DAB1: variants seen among roughly 807,000 people sequenced by gnomAD.
The protein encoded by DAB1 is DAB adaptor protein 1, also known as disabled homolog 1.
DAB1 carries 15 observed loss-of-function variants against 64.6 expected under a neutral mutation model. That is an observed-to-expected ratio of 0.23 (90% confidence interval 0.16 to 0.36). DAB1 has a LOEUF of 0.36. Among genes scored for constraint, DAB1 ranks in the 10% least tolerant of loss-of-function variants. The pLI is 1.00. For synonymous variants in DAB1, 235 were observed against 251.9 expected, an observed-to-expected ratio of 0.93 and a Z score of 0.64; for missense variants, 596 against 706.7, an observed-to-expected ratio of 0.84 and a Z score of 1.78.
intron 2 of DAB1, among the ~76,000 whole-genome samples, chr1:57,219,405 A>C (rs1202843712): frequency 1.3e-5 from 2 of 152,190 alleles, no homozygotes; most frequent in Non-Finnish European, 2.9e-5. Context: ...AAATGAGACC[A>C]GTTCAGGTTA....
intron 4 of DAB1, among the ~76,000 whole-genome samples, chr1:58,339,781 G>A (rs906851944): frequency 1.3e-5 from 2 of 152,086 alleles, no homozygotes; most frequent in Non-Finnish European, 2.9e-5. Context: ...TTTCCAAACA[G>A]AAATATTTTA....
chr1:58,503,317 G>A (rs1167887497), intron 3 of DAB1, among the ~76,000 whole-genome samples: 1 of 152,172 alleles, frequency 6.6e-6, no homozygotes. Flanking sequence ...TATAGTCAGT[G>A]ATCCTCAGTA....
chr1:58,349,087 A>T (rs1370161775), intron 3 of DAB1, among the ~76,000 whole-genome samples: 1 of 152,202 alleles, frequency 6.6e-6, no homozygotes, highest in Admixed American at 6.5e-5. Flanking sequence ...ATTCAGAGAA[A>T]TCTGTAAGCC....
At chr1:58,044,560 A>T (rs1647198625) in intron 5 of DAB1, among the ~76,000 whole-genome samples, 1 of 152,094 alleles carries the variant, frequency 6.6e-6, no homozygotes, top group Admixed American at 6.6e-5. Context: ...GAGGAGAAAG[A>T]ACTAATATAA....
intron 2 of DAB1, among the ~76,000 whole-genome samples, chr1:57,158,367 C>T (rs1427678451): frequency 6.6e-6 from 1 of 152,160 alleles, no homozygotes; most frequent in African/African-American, 2.4e-5. Context: ...GATGTTCCTT[C>T]CCGAAGGCAA....
At chr1:57,240,225 T>C (rs1668402152) in intron 2 of DAB1, among the ~76,000 whole-genome samples, 2 of 152,170 alleles carry the variant, frequency 1.3e-5, no homozygotes, top group South Asian at 2.1e-4. Flanking sequence ...AAAATAAACA[T>C]AAGGAAAAGG....
intron 11 of DAB1, among the ~76,000 whole-genome samples, chr1:57,022,142 C>T (rs918634728): frequency 6.6e-6 from 1 of 152,174 alleles, no homozygotes; most frequent in Non-Finnish European, 1.5e-5. Context: ...ATAGAGGGCA[C>T]CTGGTGAGCA....
In DAB1 at chr1:57,136,520, T is replaced by C. The variant is rs183752654; in HGVS notation, c.306+23A>G. 2.1e-5 allele frequency: 28 copies of C among 1,363,020 alleles called. 1 individual carries two copies. The Middle Eastern group carries it at 5.8e-4, about 28-fold the overall frequency. 84.4% of individuals were successfully genotyped at this position (1,363,020 alleles called of 1,614,324 possible). A position where few individuals can be genotyped will look rare whatever the true frequency, so the allele number is the denominator to read the frequency against. ...TCTGTCAATGGATAAAATTTCACAA[T>C]GCCATGTGATTGCTTTACTTACCCC... On this transcript the variant is annotated intron_variant, in intron 4 of 14. Coordinates refer to ENST00000371236, the MANE Select transcript of DAB1 (RefSeq NM_001365792.1).
intron 7 of DAB1, among the ~76,000 whole-genome samples, chr1:57,623,106 G>T (rs564464021): frequency 1.3e-5 from 2 of 152,234 alleles, no homozygotes; most frequent in East Asian, 1.9e-4. Flanking sequence ...AGTGGTAATT[G>T]GTGTTTGAAA....
intron 1 of DAB1, among the ~76,000 whole-genome samples, chr1:57,295,178 T>C (rs1673087275): frequency 6.6e-6 from 1 of 152,160 alleles, no homozygotes; most frequent in South Asian, 2.1e-4. Flanking sequence ...ACATCATGAC[T>C]ATAATAAATA....
intron 7 of DAB1, among the ~76,000 whole-genome samples, chr1:57,535,042 T>C (rs1219388258): frequency 1.3e-5 from 2 of 152,178 alleles, no homozygotes; most frequent in Non-Finnish European, 2.9e-5. Context: ...AGCTCCTTTA[T>C]ATCCTCAGGC....
chr1:58,456,987 C>T (rs576839059), intron 3 of DAB1, among the ~76,000 whole-genome samples: 2 of 152,260 alleles, frequency 1.3e-5, no homozygotes, highest in South Asian at 2.1e-4. Context: ...ACTAAGAAAC[C>T]GCTCAGAAGG....
chr1:57,847,227 G>T (rs1256649168), intron 1 of DAB1, among the ~76,000 whole-genome samples: 1 of 151,182 alleles, frequency 6.6e-6, no homozygotes. Flanking sequence ...GATTTTTTTA[G>T]TTCTACCCAG....
chr1:57,315,791 C>T (rs1451818734), intron 1 of DAB1, among the ~76,000 whole-genome samples: 2 of 152,152 alleles, frequency 1.3e-5, no homozygotes, highest in South Asian at 4.1e-4. Context: ...CATGAGCCAC[C>T]GCGCCCGGCC....
At chr1:58,021,573 T>C (rs759055550) in intron 5 of DAB1, among the ~76,000 whole-genome samples, 1 of 152,022 alleles carries the variant, frequency 6.6e-6, no homozygotes, top group Non-Finnish European at 1.5e-5. Flanking sequence ...ATTGCTTACA[T>C]GGAAAAATAA....
At chr1:58,335,818 T>G (rs1663102490) in intron 4 of DAB1, among the ~76,000 whole-genome samples, 1 of 152,138 alleles carries the variant, frequency 6.6e-6, no homozygotes, top group Non-Finnish European at 1.5e-5. Context: ...TGAATTATGG[T>G]GCAATTTAGT....
chr1:57,936,304 C>T (rs78641672), intron 5 of DAB1, among the ~76,000 whole-genome samples: 2,763 of 152,352 alleles, frequency 0.018, 87 homozygotes, highest in African/African-American at 0.063. Context: ...CATCTGCCTC[C>T]CTCAGTCCAA....
intron 3 of DAB1, among the ~76,000 whole-genome samples, chr1:58,403,509 A>AC (rs1242238985): frequency 6.6e-6 from 1 of 152,130 alleles, no homozygotes. Context: ...GAAAAATCTA[A>AC]CCCTCAGCAA....
At chr1:57,392,409 C>T (rs988920779) in intron 1 of DAB1, among the ~76,000 whole-genome samples, 3 of 152,030 alleles carry the variant, frequency 2.0e-5, no homozygotes, top group Non-Finnish European at 4.4e-5. Flanking sequence ...AAGCATATAA[C>T]GAACACTCCT....
Sources: gnomAD v4.1 joint callset for allele counts (sites outside exome capture counted in the v4.1 genomes callset) on GRCh38, gnomAD v4.1.1 for gene constraint, MANE v1.5 for transcripts, NCBI Gene and HGNC (gene_info 2026-07-23, HGNC 2026-07-21) for gene names.